XKR9: variants seen among roughly 807,000 people sequenced by gnomAD.
XKR9 encodes the protein XK related 9, also known as XK-related protein 9.
In XKR9, 32 loss-of-function variants were observed where a neutral mutation model predicts 32.0. The observed-to-expected ratio is 1.00, with a 90% CI of 0.76 to 1.34. The LOEUF is 1.34. XKR9 is among the 40% of genes most tolerant of loss of function. The probability of loss-of-function intolerance (pLI) is 0.00; values close to 1 mark genes in which losing one functional copy is unlikely to be tolerated. For synonymous variants in XKR9, 168 were observed against 143.4 expected, an observed-to-expected ratio of 1.17 and a Z score of -1.22; for missense variants, 546 against 429.7, an observed-to-expected ratio of 1.27 and a Z score of -2.39.
At chr8:70,688,886 T>C (rs923959891) in intron 3 of XKR9, among the ~76,000 whole-genome samples, 1 of 152,148 alleles carries the variant, frequency 6.6e-6, no homozygotes. Flanking sequence ...GAATCAAATA[T>C]TTAATGTAAA....
chr8:70,741,181 A>C (rs1450585347), intron 2 of XKR9, among the ~76,000 whole-genome samples: 1 of 152,048 alleles, frequency 6.6e-6, no homozygotes, highest in African/African-American at 2.4e-5. Context: ...TGGTGGGTGT[A>C]GGTGGTGGGG....
At chr8:70,923,199 T>C in the XKR9 span, among the ~76,000 whole-genome samples, 2 of 152,228 alleles carry the variant, frequency 1.3e-5, no homozygotes, top group South Asian at 4.1e-4. Flanking sequence ...ATGTTGAGGC[T>C]GACAAGATTA....
At chr8:70,729,639 C>A (rs1033804581) in intron 4 of XKR9, among the ~76,000 whole-genome samples, 15 of 152,066 alleles carry the variant, frequency 9.9e-5, no homozygotes, top group African/African-American at 3.6e-4. Context: ...AATCTTAGGG[C>A]AGCCATAGTT....
intron 2 of XKR9, among the ~76,000 whole-genome samples, chr8:70,755,536 T>G (rs954039870): frequency 1.3e-5 from 2 of 152,096 alleles, no homozygotes; most frequent in Non-Finnish European, 2.9e-5. Flanking sequence ...TAGACTGGAT[T>G]AAGTAAATGT....
the XKR9 span, among the ~76,000 whole-genome samples, chr8:70,826,999 A>C: frequency 6.6e-6 from 1 of 152,130 alleles, no homozygotes; most frequent in Non-Finnish European, 1.5e-5. Context: ...TCAACTTTTA[A>C]AATTTGTTGT....
Position 70,681,311 on chromosome 8 carries a change from C to T in XKR9, c.253C>T (p.Gln85Ter), listed in dbSNP as rs1210636230. The T allele has an allele frequency of 6.2e-7, 1 of 1,612,010 alleles. No homozygotes were observed. Among genetic ancestry groups the T allele is most frequent in the Non-Finnish European group, 8.5e-7 (1 of 1,179,058 alleles). ...TTGTTTTCTTCTACTTCATTGCTTGCAAGGAGGAGTTTTTACAAGGTGAGC... is the reference window on the plus strand; with the variant it reads ...TTGTTTTCTTCTACTTCATTGCTTGTAAGGAGGAGTTTTTACAAGGTGAGC... ...QHCFLLLHCL[Q>*]GGVFTRYWFA... Residue 85 changes from glutamine (Q) to a stop codon, truncating the protein, a stop_gained, in exon 3 of 5, where the codon CAA (glutamine) becomes TAA (stop). Coordinates refer to ENST00000408926, the MANE Select transcript of XKR9 (RefSeq NM_001011720.2). LOFTEE classifies it high-confidence loss of function.
the XKR9 span, among the ~76,000 whole-genome samples, chr8:71,029,554 T>C: frequency 6.6e-6 from 1 of 152,170 alleles, no homozygotes; most frequent in Non-Finnish European, 1.5e-5. Flanking sequence ...AGGTATTAAC[T>C]CTCAAATTCT....
At chr8:70,912,068 GCAAAAGTATATATGTTA>G in the XKR9 span, among the ~76,000 whole-genome samples, 2 of 152,226 alleles carry the variant, frequency 1.3e-5, no homozygotes, top group African/African-American at 4.8e-5. Context: ...GCAGTATTTG[GCAAAAGTATATATGTTA>G]CAAAAGGCAG....
At chr8:70,912,948 C>T in the XKR9 span, among the ~76,000 whole-genome samples, 2 of 152,122 alleles carry the variant, frequency 1.3e-5, no homozygotes, top group African/African-American at 4.8e-5. Flanking sequence ...ACTAACCTTT[C>T]CTGGACTACT....
intron 4 of XKR9, among the ~76,000 whole-genome samples, chr8:70,724,120 G>C (rs1806376553): frequency 6.6e-6 from 1 of 151,784 alleles, no homozygotes; most frequent in Non-Finnish European, 1.5e-5. Flanking sequence ...TCTGGCCACA[G>C]CCATTTTGCT....
At chr8:70,856,541 A>C in the XKR9 span, among the ~76,000 whole-genome samples, 1 of 152,172 alleles carries the variant, frequency 6.6e-6, no homozygotes, top group Admixed American at 6.5e-5. Context: ...TTAACAGCCC[A>C]CTGTCAACTT....
At chr8:71,057,900 T>C in the XKR9 span, among the ~76,000 whole-genome samples, 1 of 152,134 alleles carries the variant, frequency 6.6e-6, no homozygotes, top group Non-Finnish European at 1.5e-5. Flanking sequence ...ATTAATAAAT[T>C]GGGGCCATGC....
At chr8:70,945,954 G>T in the XKR9 span, among the ~76,000 whole-genome samples, 1 of 152,100 alleles carries the variant, frequency 6.6e-6, no homozygotes, top group East Asian at 1.9e-4. Flanking sequence ...GGCCAACATG[G>T]TGAAACCCCG....
chr8:70,683,556 C>T (rs1261827113), intron 3 of XKR9: 2 of 452,526 alleles, frequency 4.4e-6, no homozygotes, highest in African/African-American at 2.0e-5. Flanking sequence ...GGCGCCTTCC[C>T]AGCTCATTGC....
the XKR9 span, among the ~76,000 whole-genome samples, chr8:70,853,551 T>C: frequency 6.4e-4 from 98 of 152,244 alleles, no homozygotes; most frequent in African/African-American, 2.2e-3. Flanking sequence ...ATTCTTTTTT[T>C]TTTAAATTAT....
the XKR9 span, among the ~76,000 whole-genome samples, chr8:70,803,759 G>A: frequency 6.6e-6 from 1 of 152,186 alleles, no homozygotes; most frequent in African/African-American, 2.4e-5. Context: ...TGGGTGTTCT[G>A]GAAGTTCTGC....
the XKR9 span, among the ~76,000 whole-genome samples, chr8:70,952,834 G>A: frequency 6.6e-6 from 1 of 152,204 alleles, no homozygotes; most frequent in Non-Finnish European, 1.5e-5. Context: ...ACTAACCACT[G>A]CTACTCAAAG....
At chr8:70,997,543 C>T in the XKR9 span, among the ~76,000 whole-genome samples, 14 of 150,414 alleles carry the variant, frequency 9.3e-5, no homozygotes, top group Admixed American at 9.3e-4. Context: ...TGTTCTCACT[C>T]ATAAGTGAGA....
chr8:70,708,582 A>T (rs946186342), intron 4 of XKR9, among the ~76,000 whole-genome samples: 5 of 152,110 alleles, frequency 3.3e-5, no homozygotes, highest in Non-Finnish European at 7.4e-5. Context: ...GGCAAAACAC[A>T]GTTTATAGAA....
Sources: gnomAD v4.1 joint callset for allele counts (sites outside exome capture counted in the v4.1 genomes callset) on GRCh38, gnomAD v4.1.1 for gene constraint, MANE v1.5 for transcripts, NCBI Gene and HGNC (gene_info 2026-07-23, HGNC 2026-07-21) for gene names.